The following ZNF687 variants were observed in gnomAD, a reference collection of about 807,000 sequenced individuals.
ZNF687 encodes zinc finger protein 687.
Under a neutral mutation model 71.8 loss-of-function variants are expected in ZNF687, and 13 were observed. The observed-to-expected ratio is 0.18, with a 90% CI of 0.12 to 0.29. The LOEUF (loss-of-function observed/expected upper bound fraction) is 0.29, where lower values mean the gene tolerates loss of function less well. Among genes scored for constraint, ZNF687 ranks in the 10% least tolerant of loss-of-function variants. The pLI is 1.00. For missense variants in ZNF687, 1,412 were observed against 1,625.6 expected, an observed-to-expected ratio of 0.87 and a Z score of 2.26; for synonymous variants, 673 against 641.6, an observed-to-expected ratio of 1.05 and a Z score of -0.74.
intron 3 of ZNF687, 108 bp downstream of exon 3, chr1:151,288,814 T>C: frequency 7.4e-7 from 1 of 1,344,258 alleles, no homozygotes; most frequent in Non-Finnish European, 1.0e-6. Flanking sequence ...CCCTCAGCCC[T>C]GTTGTTTTGC....
chr1:151,283,670 C>G (rs1418482291), intron 1 of ZNF687: 1 of 253,374 alleles, frequency 3.9e-6, no homozygotes, highest in Non-Finnish European at 6.2e-6. Flanking sequence ...GAAGGTAGCT[C>G]AGGCCTCTGG....
upstream of ZNF687, chr1:151,282,247 C>G: frequency 9.8e-7 from 1 of 1,016,310 alleles, no homozygotes; most frequent in Non-Finnish European, 1.2e-6. Context: ...GCAGCCCAGA[C>G]CTGGAGCGCG....
In ZNF687 at chr1:151,286,580, G is replaced by C. The variant is rs772297431; in HGVS notation, c.289G>C (p.Ala97Pro). ...KNTVCPEQSE[A>P]LAGGSAGDGA... ...CACTGTGTGTCCCGAGCAGTCTGAG[G>C]CCCTGGCTGGAGGCTCAGCAGGAGA... Residue 97 changes from alanine to proline, a missense_variant, in exon 2 of 9, where the codon GCC becomes CCC. This residue lies in a region of ZNF687 where 490 missense variants were observed against 489.9 expected (regional missense o/e 1.00). Coordinates refer to ENST00000336715, the MANE Select transcript of ZNF687 (RefSeq NM_020832.3). 1.4e-5 allele frequency: 23 copies of C among 1,614,208 alleles called. 1 individual carries two copies. In the South Asian group the frequency reaches 1.5e-4, roughly 11 times the overall value.
At chr1:151,288,448 G>T in intron 2 of ZNF687, 42 bp downstream of exon 2, 2 of 1,585,692 alleles carry the variant, frequency 1.3e-6, no homozygotes, top group Non-Finnish European at 1.7e-6. Flanking sequence ...ACAGGATCTA[G>T]GAAGGCGTTG....
Position 151,289,240 on chromosome 1 carries a change from C to G in ZNF687, c.2440C>G (p.Gln814Glu). ...GPSAHAHLYS[Q>E]HPSFQTQQAK... ...AAGTGCCCATGCCCACCTCTACTCC[C>G]AGCATCCCAGCTTCCAAACTCAGCA... The change falls in exon 4 of 9, where the codon CAG becomes GAG. Residue 814 changes from glutamine to glutamate, a missense_variant. By Grantham distance (29) the Gln-to-Glu change is conservative. This residue lies in a region of ZNF687 where 106 missense variants were observed against 146.0 expected (regional missense o/e 0.73). Coordinates refer to ENST00000336715, the MANE Select transcript of ZNF687 (RefSeq NM_020832.3). The G allele has an allele frequency of 6.2e-7, 1 of 1,614,102 alleles. No individual in the cohort carries two copies. Among genetic ancestry groups the G allele is most frequent in the Non-Finnish European group, 8.5e-7 (1 of 1,180,024 alleles).
chr1:151,290,833 G>A lies in ZNF687; in HGVS notation c.3338G>A (p.Arg1113His), dbSNP rs200803627. 9.9e-6 allele frequency: 16 copies of A among 1,613,988 alleles called. No individual in the cohort carries two copies. In the South Asian group the frequency reaches 1.1e-4, roughly 11 times the overall value. ...GGATCTGGAGGCCATGGCCCTCTGC[G>A]CTACCGGAGCAGCAGCTCCACAGAA... ...GPGSGGHGPL[R>H]YRSSSSTEQS... The change falls in exon 9 of 9, where the codon CGC (arginine) becomes CAC (histidine). Residue 1113 changes from arginine to histidine, a missense_variant. By Grantham distance (29) the Arg-to-His change is conservative. Coordinates refer to ENST00000336715, the MANE Select transcript of ZNF687 (RefSeq NM_020832.3).
Position 151,290,712 on chromosome 1 carries a change from C to T in ZNF687, c.3220-3C>T. The stretch of plus-strand genomic sequence containing the variant: ...AGGCCCAGTTTCTTCCACTTTTCTT[C>T]AGGGGCCAGGTCGGAAACGCCGCCA... On this transcript the variant is annotated splice_region_variant and splice_polypyrimidine_tract_variant and intron_variant, in intron 8 of 8. Transcript: ENST00000336715. 3.1e-6 allele frequency: 5 copies of T among 1,593,796 alleles called. No individual in the cohort carries two copies. The highest frequency in any genetic ancestry group is 4.3e-6 in the Non-Finnish European group (5 of 1,168,898).
In ZNF687 at chr1:151,289,277, G is replaced by A; in HGVS notation, c.2471+6G>A. The A allele has an allele frequency of 6.2e-7, 1 of 1,613,456 alleles. No homozygotes were observed. Among genetic ancestry groups the A allele is most frequent in the Non-Finnish European group, 8.5e-7 (1 of 1,179,644 alleles). On this transcript the variant is annotated splice_donor_region_variant and intron_variant, in intron 4 of 8. Transcript: ENST00000336715. ...TTCCAAACTCAGCAGGCCAAGTGAG[G>A]CCCGGGGGAGGGCCGGGCTGGGCCA... is the stretch of plus-strand genomic sequence containing the variant.
chr1:151,289,661 C>G lies in ZNF687; in HGVS notation c.2635-17C>G, dbSNP rs1557773179. On this transcript the variant is annotated splice_polypyrimidine_tract_variant and intron_variant, in intron 5 of 8. Coordinates refer to ENST00000336715, the MANE Select transcript of ZNF687 (RefSeq NM_020832.3). ...GCCCTCCCCCACAACAGCAACCTCC[C>G]TTGTCTCCTCTCACAGAACACCCAT... 6.3e-7 allele frequency: 1 copy of G among 1,583,334 alleles called. No homozygotes were observed. The highest frequency in any genetic ancestry group is 8.6e-7 in the Non-Finnish European group (1 of 1,162,556).
intron 1 of ZNF687, chr1:151,283,341 C>A: frequency 1.0e-6 from 1 of 980,884 alleles, no homozygotes; most frequent in Non-Finnish European, 1.2e-6. Context: ...CCCACTCGAC[C>A]TGGGCCTGTT....
At chr1:151,282,243 C>T (rs972161934), upstream of ZNF687, 11 of 1,022,824 alleles carry the variant, frequency 1.1e-5, no homozygotes, top group Non-Finnish European at 1.3e-5. Context: ...ACGGGCAGCC[C>T]AGACCTGGAG....
chr1:151,284,288 C>T (rs1228792696), intron 1 of ZNF687: 1 of 984,424 alleles, frequency 1.0e-6, no homozygotes, highest in Non-Finnish European at 1.2e-6. Flanking sequence ...GGAGTTTTAG[C>T]CTCGGGAAAG....
chr1:151,282,172 G>A (rs1454939682), upstream of ZNF687: 2 of 1,142,788 alleles, frequency 1.8e-6, no homozygotes, highest in Non-Finnish European at 2.2e-6. Context: ...CCAACCCAGT[G>A]CGGGGCTGGA....
rs746620829 is a variant in ZNF687, at chr1:151,288,088, G to C, written c.1797G>C (p.Met599Ile). The C allele has an allele frequency of 2.5e-6, 4 of 1,613,902 alleles. No individual in the cohort carries two copies. In the African/African-American group the frequency reaches 5.3e-5, roughly 22 times the overall value. The part of the protein sequence containing the change: ...GLVMQCSHLV[M>I]RPVALDQMVG... ...TCATGCAGTGCTCACATTTGGTCAT[G>C]AGGCCTGTAGCCCTTGACCAGATGG... The change falls in exon 2 of 9, where the codon ATG becomes ATC. Residue 599 changes from methionine to isoleucine, a missense_variant. Physicochemically the swap from Met to Ile is conservative, Grantham distance 10. Around this residue, in one of 8 missense-constraint regions of ZNF687, gnomAD observed 207 missense variants for 239.2 expected, o/e 0.87. Transcript: ENST00000336715.
chr1:151,288,843 A>C (rs1694068950), intron 3 of ZNF687, 137 bp downstream of exon 3: 1 of 1,160,734 alleles, frequency 8.6e-7, no homozygotes, highest in African/African-American at 1.5e-5. Flanking sequence ...ACCCTGAGAT[A>C]GTACGTCCTG....
chr1:151,287,531 C>A lies in ZNF687; in HGVS notation c.1240C>A (p.Leu414Met). The part of the protein sequence containing the change: ...ATIQNASTAM[L>M]MAASVARKAV... The stretch of plus-strand genomic sequence containing the variant: ...CATCCAGAACGCCAGTACTGCCATG[C>A]TGATGGCAGCCAGTGTGGCTCGCAA... The change falls in exon 2 of 9, where the codon CTG becomes ATG. Residue 414 changes from leucine (L) to methionine (M), a missense_variant. Around this residue, in one of 8 missense-constraint regions of ZNF687, gnomAD observed 133 missense variants for 155.1 expected, o/e 0.86. Coordinates refer to ENST00000336715, the MANE Select transcript of ZNF687 (RefSeq NM_020832.3). This position sits in a 1 kb window ranked among gnomAD's most constrained non-coding sequence, Gnocchi z 5.0. 1 of 1,614,160 alleles carries A rather than the reference C, an allele frequency of 6.2e-7. No homozygotes were observed. The highest frequency in any genetic ancestry group is 1.7e-5 in the Admixed American group (1 of 60,032).
intron 1 of ZNF687, chr1:151,284,237 C>T: frequency 1.4e-5 from 14 of 985,250 alleles, no homozygotes; most frequent in Non-Finnish European, 1.7e-5. Context: ...TGGCTTTTTC[C>T]CACTGTGGCA....
Position 151,287,587 on chromosome 1 carries a change from C to T in ZNF687, c.1296C>T (p.Thr432=). The T allele has an allele frequency of 6.2e-7, 1 of 1,613,978 alleles. No homozygotes were observed. The highest frequency in any genetic ancestry group is 1.3e-5 in the African/African-American group (1 of 75,032). ...KAVVLPGGTA[T]SPKMIAKNVL... ...TGGTGCTGCCTGGGGGGACTGCCACCAGCCCTAAGATGATTGCTAAGAACG... is the reference window on the plus strand; with the variant it reads ...TGGTGCTGCCTGGGGGGACTGCCACTAGCCCTAAGATGATTGCTAAGAACG... The change falls in exon 2 of 9, where the codon ACC becomes ACT. Residue 432 remains threonine (T), a synonymous_variant. Coordinates refer to ENST00000336715, the MANE Select transcript of ZNF687 (RefSeq NM_020832.3). The surrounding 1 kb of genome is among the most constrained non-coding windows in gnomAD (Gnocchi z 5.0).
In ZNF687 at chr1:151,286,715, G is replaced by C. The variant is rs1693962820; in HGVS notation, c.424G>C (p.Ala142Pro). ...CCTCCCAGGAACTCCCCACTCTCCTGCTCCTCCCAGTGGGGGCACCTGGAA... is the reference window on the plus strand; with the variant it reads ...CCTCCCAGGAACTCCCCACTCTCCTCCTCCTCCCAGTGGGGGCACCTGGAA... Reference protein sequence around the residue: ...PSLPGTPHSPAPPSGGTWKEK... With the variant: ...PSLPGTPHSPPPPSGGTWKEK... The change falls in exon 2 of 9, where the codon GCT (alanine) becomes CCT (proline). Residue 142 changes from alanine to proline, a missense_variant. By Grantham distance (27) the Ala-to-Pro change is conservative. Coordinates refer to ENST00000336715, the MANE Select transcript of ZNF687 (RefSeq NM_020832.3). The C allele has an allele frequency of 3.7e-6, 6 of 1,614,182 alleles. No homozygotes were observed. The highest frequency in any genetic ancestry group is 1.3e-5 in the African/African-American group (1 of 75,050).
Sources: allele counts gnomAD v4.1 joint callset, GRCh38; gene constraint gnomAD v4.1.1; regional missense constraint gnomAD v4.1.1; non-coding constraint Gnocchi (gnomAD v3.1); transcripts MANE v1.5; gene names NCBI Gene and HGNC (gene_info 2026-07-23, HGNC 2026-07-21).